The following FHIT variants were observed in gnomAD, a reference collection of about 807,000 sequenced individuals.
FHIT encodes fragile histidine triad diadenosine triphosphatase.
FHIT carries 19 observed loss-of-function variants against 17.9 expected under a neutral mutation model. That is an observed-to-expected ratio of 1.06 (90% CI 0.74 to 1.56). FHIT has a LOEUF of 1.56. Ranked by LOEUF, FHIT falls within the 40% of genes most tolerant of loss-of-function variation. The pLI is 0.00. For synonymous variants in FHIT, 81 were observed against 69.7 expected, an observed-to-expected ratio of 1.16 and a Z score of -0.81; for missense variants, 248 against 189.2, an observed-to-expected ratio of 1.31 and a Z score of -1.82.
chr3:60,262,688 T>A (rs1248822488), intron 5 of FHIT, among the ~76,000 whole-genome samples: 2 of 151,938 alleles, frequency 1.3e-5, no homozygotes, highest in Non-Finnish European at 2.9e-5. Context: ...CCCCTAAAAC[T>A]GCTAGACGCT....
chr3:60,618,545 G>A (rs556181797), intron 4 of FHIT, among the ~76,000 whole-genome samples: 14 of 152,268 alleles, frequency 9.2e-5, no homozygotes, highest in Admixed American at 3.3e-4. Flanking sequence ...TTGGTTTTCC[G>A]TTCCTGCGTT....
At chr3:60,522,851 T>G (rs189720333) in intron 5 of FHIT, among the ~76,000 whole-genome samples, 134 of 152,262 alleles carry the variant, frequency 8.8e-4, no homozygotes, top group African/African-American at 3.1e-3. Context: ...GCCAACTTTG[T>G]GACCCATCTG....
intron 7 of FHIT, among the ~76,000 whole-genome samples, chr3:60,000,873 T>A (rs1344780934): frequency 6.6e-6 from 1 of 152,150 alleles, no homozygotes; most frequent in African/African-American, 2.4e-5. Flanking sequence ...GCTGCCACTC[T>A]CCCTACACTA....
chr3:60,818,920 A>C (rs1015495246), intron 4 of FHIT, among the ~76,000 whole-genome samples: 2 of 151,386 alleles, frequency 1.3e-5, no homozygotes, highest in African/African-American at 4.9e-5. Context: ...TGGGAAACTC[A>C]CTCTGGACCG....
At chr3:59,970,952 T>C (rs1708151501) in intron 7 of FHIT, among the ~76,000 whole-genome samples, 1 of 151,772 alleles carries the variant, frequency 6.6e-6, no homozygotes, top group South Asian at 2.1e-4. Flanking sequence ...TTGTGAGTCC[T>C]TGGAGCCCCA....
chr3:60,506,256 G>C (rs13327150), intron 5 of FHIT, among the ~76,000 whole-genome samples: 37,525 of 152,070 alleles, frequency 0.25, 5,079 homozygotes, highest in Non-Finnish European at 0.3. Flanking sequence ...ATGGTACTTT[G>C]AGGGTGGAGG....
chr3:60,832,647 C>T lies in FHIT; in HGVS notation c.-110-10636G>A, dbSNP rs1159770627. ...ATTTTTTCTCCTTCCTGGCTAATCA[C>T]TCCCTTTGTGTTGATAATGTGCTGC... On this transcript the variant is annotated intron_variant, in intron 3 of 9. Transcript: ENST00000492590. 4.0e-5 allele frequency among the ~76,000 whole-genome samples: 6 copies of T among 151,472 alleles called. No homozygotes were observed. In the East Asian group the frequency reaches 1.2e-3, roughly 29 times the overall value.
intron 8 of FHIT, among the ~76,000 whole-genome samples, chr3:59,915,761 G>A (rs762728570): frequency 2.0e-5 from 3 of 151,996 alleles, no homozygotes; most frequent in Non-Finnish European, 2.9e-5. Flanking sequence ...ACAACATTGC[G>A]AGACCTGTCT....
At chr3:60,567,612 T>C (rs1436491627) in intron 4 of FHIT, among the ~76,000 whole-genome samples, 3 of 152,182 alleles carry the variant, frequency 2.0e-5, no homozygotes, top group Non-Finnish European at 2.9e-5. Flanking sequence ...AAATGGGATC[T>C]AATTAAACTA....
intron 5 of FHIT, among the ~76,000 whole-genome samples, chr3:60,191,590 C>T (rs139602861): frequency 1.3e-4 from 20 of 152,194 alleles, no homozygotes; most frequent in Non-Finnish European, 2.6e-4. Context: ...CTCAAACACA[C>T]AGAAAAGTAG....
At chr3:59,877,427 G>A (rs957103975) in intron 8 of FHIT, among the ~76,000 whole-genome samples, 3 of 152,162 alleles carry the variant, frequency 2.0e-5, no homozygotes, top group East Asian at 1.9e-4. Context: ...CAACCTCTGC[G>A]ACATGAAGAT....
intron 3 of FHIT, among the ~76,000 whole-genome samples, chr3:60,878,310 C>T (rs1208451558): frequency 5.3e-5 from 8 of 152,098 alleles, no homozygotes; most frequent in African/African-American, 1.7e-4. Context: ...AGCACCCTGA[C>T]TCCATAGCCA....
chr3:60,667,478 T>G (rs1024311026), intron 4 of FHIT, among the ~76,000 whole-genome samples: 1 of 152,194 alleles, frequency 6.6e-6, no homozygotes, highest in Admixed American at 6.5e-5. Context: ...TTTTATAACT[T>G]CTATTTCTTT....
At chr3:60,338,080 C>T (rs1473948950) in intron 5 of FHIT, among the ~76,000 whole-genome samples, 1 of 151,988 alleles carries the variant, frequency 6.6e-6, no homozygotes, top group Non-Finnish European at 1.5e-5. Context: ...AGTGTCATAC[C>T]TGAGATGCAG....
At chr3:60,043,698 T>C (rs1036042572) in intron 5 of FHIT, among the ~76,000 whole-genome samples, 34 of 132,496 alleles carry the variant, frequency 2.6e-4, no homozygotes, top group African/African-American at 8.9e-4. Context: ...ATAAAATATC[T>C]ATTTTCTCCC....
intron 4 of FHIT, among the ~76,000 whole-genome samples, chr3:60,678,327 T>C (rs1031633090): frequency 1.6e-4 from 25 of 152,186 alleles, no homozygotes; most frequent in African/African-American, 5.3e-4. Flanking sequence ...TATTTTGGCA[T>C]ACAAAATCAC....
intron 4 of FHIT, among the ~76,000 whole-genome samples, chr3:60,615,215 T>A (rs1020072567): frequency 4.6e-5 from 7 of 152,178 alleles, no homozygotes; most frequent in African/African-American, 1.4e-4. Context: ...TAATCTAGCT[T>A]TCCTGGAGGG....
At chr3:59,936,510 A>G (rs1706248064) in intron 7 of FHIT, among the ~76,000 whole-genome samples, 1 of 152,214 alleles carries the variant, frequency 6.6e-6, no homozygotes, top group South Asian at 2.1e-4. Context: ...TGCTCCATGA[A>G]TAAACATTCG....
chr3:60,440,629 T>C (rs934604494), intron 5 of FHIT, among the ~76,000 whole-genome samples: 5 of 152,092 alleles, frequency 3.3e-5, no homozygotes, highest in African/African-American at 9.7e-5. Flanking sequence ...CTCATTTATG[T>C]CAAATTTCCA....
Sources: allele counts gnomAD v4.1 joint callset (sites outside exome capture counted in the v4.1 genomes callset), GRCh38; gene constraint gnomAD v4.1.1; transcripts MANE v1.5; gene names NCBI Gene and HGNC (gene_info 2026-07-23, HGNC 2026-07-21).